SLC9A9: variants seen among roughly 807,000 people sequenced by gnomAD.
SLC9A9 encodes the protein solute carrier family 9 member A9.
Under a neutral mutation model 77.8 loss-of-function variants are expected in SLC9A9, and 62 were observed. The ratio of observed to expected loss-of-function variants is 0.80; its 90% CI spans 0.65 to 0.98. The LOEUF is 0.98. Ranked by LOEUF, SLC9A9 falls within the 50% of genes least tolerant of loss-of-function variation. SLC9A9 has a pLI of 0.00. For synonymous variants in SLC9A9, 320 were observed against 283.5 expected, an observed-to-expected ratio of 1.13 and a Z score of -1.29; for missense variants, 775 against 774.9, an observed-to-expected ratio of 1.00 and a Z score of 0.00.
chr3:143,783,990 A>G (rs1029246423), intron 4 of SLC9A9, among the ~76,000 whole-genome samples: 52 of 152,324 alleles, frequency 3.4e-4, no homozygotes, highest in African/African-American at 1.2e-3. Context: ...CCAGCCAGAC[A>G]CACACAGATG....
chr3:143,438,622 G>T (rs567028939), intron 12 of SLC9A9, among the ~76,000 whole-genome samples: 2 of 152,176 alleles, frequency 1.3e-5, no homozygotes, highest in Non-Finnish European at 2.9e-5. Context: ...TCAGTGTGTC[G>T]CAGGGCAGAG....
At chr3:143,416,865 A>G (rs1009403521) in intron 12 of SLC9A9, among the ~76,000 whole-genome samples, 6 of 152,228 alleles carry the variant, frequency 3.9e-5, no homozygotes, top group African/African-American at 1.2e-4. Context: ...GCACGTATAT[A>G]CATATCAGAT....
intron 6 of SLC9A9, among the ~76,000 whole-genome samples, chr3:143,630,033 C>G (rs1415575168): frequency 2.0e-5 from 3 of 148,896 alleles, no homozygotes; most frequent in African/African-American, 7.3e-5. Flanking sequence ...ATATGAGGCT[C>G]AATGAAAAAA....
intron 5 of SLC9A9, among the ~76,000 whole-genome samples, chr3:143,657,962 G>C (rs1408550217): frequency 3.3e-5 from 5 of 152,100 alleles, no homozygotes; most frequent in African/African-American, 1.2e-4. Context: ...TGCCTCCCGG[G>C]CTCAAGTGAT....
At chr3:143,298,081 C>T (rs2030356906) in intron 14 of SLC9A9, among the ~76,000 whole-genome samples, 1 of 152,196 alleles carries the variant, frequency 6.6e-6, no homozygotes, top group Non-Finnish European at 1.5e-5. Context: ...TTTTTTATTG[C>T]ATGAATGAGA....
At chr3:143,401,080 T>C (rs1173170306) in intron 12 of SLC9A9, among the ~76,000 whole-genome samples, 1 of 152,204 alleles carries the variant, frequency 6.6e-6, no homozygotes, top group East Asian at 1.9e-4. Context: ...TGCAGACCAA[T>C]GCAGATGGCA....
In SLC9A9 at chr3:143,416,777, T is replaced by A. The variant is rs573581993; in HGVS notation, c.1470-34663A>T. ...GCTTGTACATCTGTATGTATATTTG[T>A]ATATGTGCACATATTACATGTGTAT... On this transcript the variant is annotated intron_variant, in intron 12 of 15. Transcript: ENST00000316549. 5.9e-5 allele frequency among the ~76,000 whole-genome samples: 9 copies of A among 152,384 alleles called. No individual in the cohort carries two copies. In the East Asian group the frequency reaches 1.7e-3, roughly 29 times the overall value.
chr3:143,422,713 G>A (rs1201981271), intron 12 of SLC9A9, among the ~76,000 whole-genome samples: 3 of 152,128 alleles, frequency 2.0e-5, no homozygotes, highest in East Asian at 1.9e-4. Flanking sequence ...TAACAGACCT[G>A]CATGTGTAAC....
chr3:143,757,248 T>G (rs1230448747), intron 4 of SLC9A9, among the ~76,000 whole-genome samples: 1 of 152,132 alleles, frequency 6.6e-6, no homozygotes, highest in African/African-American at 2.4e-5. Flanking sequence ...ACCAGGCAGA[T>G]TCAAATGCCT....
At position 143,450,067 on chromosome 3, in the gene SLC9A9, T is replaced by TATATATACCCAC. The variant is rs1209872513; in HGVS notation, c.1469+16969_1469+16970insGTGGGTATATAT. 4.0e-3 allele frequency among the ~76,000 whole-genome samples: 237 copies of TATATATACCCAC among 59,044 alleles called. 4 individuals are homozygous for TATATATACCCAC. Among genetic ancestry groups the TATATATACCCAC allele is most frequent in the African/African-American group, 0.011 (229 of 21,458 alleles). 38.7% of individuals were successfully genotyped at this position (59,044 alleles called of 152,430 possible). On this transcript the variant is annotated intron_variant, in intron 12 of 15. Coordinates refer to ENST00000316549, the MANE Select transcript of SLC9A9 (RefSeq NM_173653.4). ...TATATATACACACATATATAATATG[T>TATATATACCCAC]ATATATAATATAACATATATAAATA...
chr3:143,740,123 A>T (rs914132197), intron 4 of SLC9A9, among the ~76,000 whole-genome samples: 6 of 152,196 alleles, frequency 3.9e-5, no homozygotes, highest in African/African-American at 1.4e-4. Flanking sequence ...TGCCATTTAA[A>T]GAAGCCGCCA....
chr3:143,343,111 G>A (rs561750664), intron 14 of SLC9A9, among the ~76,000 whole-genome samples: 121 of 152,090 alleles, frequency 8.0e-4, no homozygotes, highest in Non-Finnish European at 1.5e-3. Flanking sequence ...ACTGATATGG[G>A]CAGTTTAGAC....
chr3:143,426,700 C>A (rs1052140601), intron 12 of SLC9A9, among the ~76,000 whole-genome samples: 7 of 152,180 alleles, frequency 4.6e-5, no homozygotes, highest in African/African-American at 1.4e-4. Flanking sequence ...GAAAAAGGAA[C>A]TAGAAATGGG....
At chr3:143,648,112 C>G (rs961582135) in intron 6 of SLC9A9, among the ~76,000 whole-genome samples, 6 of 109,174 alleles carry the variant, frequency 5.5e-5, no homozygotes, top group African/African-American at 2.1e-4. Flanking sequence ...ATTACAGGGC[C>G]TTTACAACCA....
intron 6 of SLC9A9, among the ~76,000 whole-genome samples, chr3:143,624,478 CATAATCCAGCAT>C (rs1421896787): frequency 1.3e-5 from 2 of 152,070 alleles, no homozygotes; most frequent in African/African-American, 4.8e-5. Context: ...AATCGATAAA[CATAATCCAGCAT>C]ATAAACAAAA....
intron 12 of SLC9A9, among the ~76,000 whole-genome samples, chr3:143,449,948 A>G (rs2034962339): frequency 1.1e-5 from 1 of 87,308 alleles, no homozygotes; most frequent in Middle Eastern, 0.013. Context: ...ATATATTATA[A>G]TATACATTAT....
chr3:143,825,896 C>T (rs2009284395), intron 2 of SLC9A9, among the ~76,000 whole-genome samples: 1 of 53,562 alleles, frequency 1.9e-5, no homozygotes, highest in South Asian at 1.6e-3. Context: ...TTATAAACAC[C>T]TAACATGCTA....
Position 143,610,148 on chromosome 3 carries a change from A to G in SLC9A9, c.756-31425T>C, listed in dbSNP as rs573870622. Reference sequence around the variant, plus strand: ...GAACTTTCGGAGTTTTCCTTTATTTATTTTTTTTTTATTTATTTGAGAAAA... The same window carrying G: ...GAACTTTCGGAGTTTTCCTTTATTTGTTTTTTTTTTATTTATTTGAGAAAA... On this transcript the variant is annotated intron_variant, in intron 6 of 15. Coordinates refer to ENST00000316549, the MANE Select transcript of SLC9A9 (RefSeq NM_173653.4). Among the ~76,000 whole-genome samples the G allele has an allele frequency of 3.4e-5, 5 of 149,190 alleles. No individual in the cohort carries two copies. The East Asian group carries it at 9.8e-4, about 29-fold the overall frequency.
chr3:143,791,556 A>G (rs1560081039), intron 4 of SLC9A9, among the ~76,000 whole-genome samples: 1 of 152,032 alleles, frequency 6.6e-6, no homozygotes, highest in Non-Finnish European at 1.5e-5. Context: ...TTTCATTCCC[A>G]CATTCTCTGG....
Sources: gnomAD v4.1 joint callset for allele counts (sites outside exome capture counted in the v4.1 genomes callset) on GRCh38, gnomAD v4.1.1 for gene constraint, MANE v1.5 for transcripts, NCBI Gene and HGNC (gene_info 2026-07-23, HGNC 2026-07-21) for gene names.